IL7R: variants seen among roughly 807,000 people sequenced by gnomAD.
The protein encoded by IL7R is interleukin-7 receptor subunit alpha.
In IL7R, 38 loss-of-function variants were observed where a neutral mutation model predicts 47.0. The observed-to-expected ratio is 0.81, with a 90% CI of 0.62 to 1.06. The LOEUF (loss-of-function observed/expected upper bound fraction) is 1.06, where lower values mean the gene tolerates loss of function less well. IL7R is among the 50% of genes least tolerant of loss of function. IL7R has a pLI of 0.00. For missense variants in IL7R, 633 were observed against 534.8 expected, an observed-to-expected ratio of 1.18 and a Z score of -1.81; for synonymous variants, 221 against 199.8, an observed-to-expected ratio of 1.11 and a Z score of -0.89.
At position 35,876,591 on chromosome 5, in the gene IL7R, C is replaced by T. The variant is rs200590959; in HGVS notation, c.*105C>T. 1.7e-6 allele frequency: 2 copies of T among 1,183,708 alleles called. No individual in the cohort carries two copies. The highest frequency in any genetic ancestry group is 4.9e-5 in the East Asian group (2 of 40,640). The allele number at this position is 1,183,708 out of a possible 1,614,324, so 73.3% of individuals were successfully genotyped here. A position where few individuals can be genotyped will look rare whatever the true frequency, so the allele number is the denominator to read the frequency against. On this transcript the variant is annotated 3_prime_UTR_variant, in exon 8 of 8. Transcript: ENST00000303115. Reference sequence around the variant, plus strand: ...CACAGCACAGAGAAGACAAAATTAGCAAAACCCCACTACACAGTCTGCAAG... The same window carrying T: ...CACAGCACAGAGAAGACAAAATTAGTAAAACCCCACTACACAGTCTGCAAG...
In IL7R at chr5:35,876,724, C is replaced by A; in HGVS notation, c.*238C>A. The A allele has an allele frequency of 5.9e-6, 3 of 505,388 alleles. No homozygotes were observed. Among genetic ancestry groups the A allele is most frequent in the Admixed American group, 3.4e-5 (1 of 29,488 alleles). 31.3% of individuals were successfully genotyped at this position (505,388 alleles called of 1,614,324 possible). On this transcript the variant is annotated 3_prime_UTR_variant, in exon 8 of 8. Transcript: ENST00000303115. ...GATTTGGTCACAAGGTTTAAGGTGA[C>A]CCAATGATTCAGCTATTTAAAAAAA... is the stretch of plus-strand genomic sequence containing the variant.
intron 1 of IL7R, 71 bp from the exon 2 acceptor site, chr5:35,860,781 A>T: frequency 7.0e-7 from 1 of 1,433,978 alleles, no homozygotes; most frequent in Non-Finnish European, 9.8e-7. Flanking sequence ...CTATTTTATT[A>T]AGGTCATGCC....
Position 35,876,595 on chromosome 5 carries a change from AC to A in IL7R, c.*113del. 3 of 1,122,198 alleles carry A rather than the reference AC, an allele frequency of 2.7e-6. No homozygotes were observed. The highest frequency in any genetic ancestry group is 2.6e-6 in the Non-Finnish European group (2 of 761,926). 69.5% of individuals were successfully genotyped at this position (1,122,198 alleles called of 1,614,324 possible). A position where few individuals can be genotyped will look rare whatever the true frequency, so the allele number is the denominator to read the frequency against. ...GCACAGAGAAGACAAAATTAGCAAAACCCCACTACACAGTCTGCAAGATTCT... is the reference window on the plus strand; with the variant it reads ...GCACAGAGAAGACAAAATTAGCAAAACCCACTACACAGTCTGCAAGATTCT... On this transcript the variant is annotated 3_prime_UTR_variant, in exon 8 of 8. Coordinates refer to ENST00000303115, the MANE Select transcript of IL7R (RefSeq NM_002185.5).
Position 35,871,140 on chromosome 5 carries a change from T to C in IL7R, c.464T>C (p.Leu155Ser), listed in dbSNP as rs1258585198. The change falls in exon 4 of 8, where the codon TTG (leucine) becomes TCG (serine). Residue 155 changes from leucine to serine, a missense_variant. Coordinates refer to ENST00000303115, the MANE Select transcript of IL7R (RefSeq NM_002185.5). ...GTGGTGACATTTAATACATCACACT[T>C]GCAAAAGAAGTATGTAAAAGTTTTA... The part of the protein sequence containing the change: ...DFVVTFNTSH[L>S]QKKYVKVLMH... 1.9e-6 allele frequency: 3 copies of C among 1,612,436 alleles called. No homozygotes were observed. The highest frequency in any genetic ancestry group is 1.7e-4 in the Middle Eastern group (1 of 6,060).
chr5:35,878,550 G>A lies in IL7R; in HGVS notation c.*2064G>A. On this transcript the variant is annotated 3_prime_UTR_variant, in exon 8 of 8. Transcript: ENST00000303115. ...CATGGAGGAAAAGTAGAATCTGCCT[G>A]GTTTGTAGGCAGCAGAAGACATTTT... 1 of 232,978 alleles carries A rather than the reference G, an allele frequency of 4.3e-6. No homozygotes were observed. The highest frequency in any genetic ancestry group is 2.2e-5 in the African/African-American group (1 of 45,426). The allele number at this position is 232,978 out of a possible 1,614,324, so 14.4% of individuals were successfully genotyped here.
chr5:35,866,916 T>C (rs1253537727), intron 2 of IL7R, among the ~76,000 whole-genome samples: 1 of 152,176 alleles, frequency 6.6e-6, no homozygotes, highest in African/African-American at 2.4e-5. Context: ...ACACTTTTTT[T>C]AATCAATATT....
rs1315391428 is a variant in IL7R, at chr5:35,875,641, A to T, written c.876+54A>T. On this transcript the variant is annotated intron_variant, in intron 7 of 7. Transcript: ENST00000303115. ...TGTGTTGGCAACATCCCAGTGGCCA[A>T]GAATGATATTCCAGGACAAGGAACA... 4 of 1,264,686 alleles carry T rather than the reference A, an allele frequency of 3.2e-6. No individual in the cohort carries two copies. In the Admixed American group the frequency reaches 6.7e-5, roughly 21 times the overall value. The allele number at this position is 1,264,686 out of a possible 1,614,324, so 78.3% of individuals were successfully genotyped here. A position where few individuals can be genotyped will look rare whatever the true frequency, so the allele number is the denominator to read the frequency against.
intron 2 of IL7R, among the ~76,000 whole-genome samples, chr5:35,861,477 G>T (rs1400091436): frequency 1.3e-5 from 2 of 152,134 alleles, no homozygotes; most frequent in African/African-American, 2.4e-5. Context: ...TCACAGGAAG[G>T]CTGTGATGGT....
chr5:35,875,546 C>A lies in IL7R; in HGVS notation c.835C>A (p.His279Asn). ...KPIVWPSLPDHKKTLEHLCKK... is the reference protein window; with the variant it reads ...KPIVWPSLPDNKKTLEHLCKK... ...TATCGTATGGCCCAGTCTCCCCGAT[C>A]ATAAGAAGACTCTGGAACATCTTTG... The change falls in exon 7 of 8, where the codon CAT becomes AAT. Residue 279 changes from histidine (H) to asparagine (N), a missense_variant. Physicochemically the swap from His to Asn is moderately conservative, Grantham distance 68. Transcript: ENST00000303115. The A allele has an allele frequency of 6.2e-7, 1 of 1,613,512 alleles. No individual in the cohort carries two copies. Among genetic ancestry groups the A allele is most frequent in the South Asian group, 1.1e-5 (1 of 91,056 alleles).
rs764922920 is a variant in IL7R, at chr5:35,876,282, G to A, written c.1176G>A (p.Glu392=). 6.2e-6 allele frequency: 10 copies of A among 1,613,980 alleles called. No individual in the cohort carries two copies. The South Asian group carries it at 9.9e-5, about 16-fold the overall frequency. Residue 392 remains glutamate, a synonymous_variant, in exon 8 of 8, where the codon GAG becomes GAA. Transcript: ENST00000303115. ...CTTCCAGGTCCCTAGACTGCAGGGA[G>A]AGTGGCAAGAATGGGCCTCATGTGT... ...LSSSRSLDCR[E]SGKNGPHVYQ...
At position 35,873,541 on chromosome 5, in the gene IL7R, T is replaced by G; in HGVS notation, c.599T>G (p.Met200Arg). Reference protein sequence around the residue: ...LLQRKLQPAAMYEIKVRSIPD... With the variant: ...LLQRKLQPAARYEIKVRSIPD... ...CAGAGAAAGCTCCAACCGGCAGCAA[T>G]GTATGAGATTAAAGTTCGATCCATC... is the stretch of plus-strand genomic sequence containing the variant. The change falls in exon 5 of 8, where the codon ATG becomes AGG. Residue 200 changes from methionine (M) to arginine (R), a missense_variant. Met to Arg is a moderately conservative substitution (Grantham distance 91). Coordinates refer to ENST00000303115, the MANE Select transcript of IL7R (RefSeq NM_002185.5). The G allele has an allele frequency of 1.9e-6, 3 of 1,614,030 alleles. No homozygotes were observed. Among genetic ancestry groups the G allele is most frequent in the Non-Finnish European group, 2.5e-6 (3 of 1,179,934 alleles).
intron 3 of IL7R, among the ~76,000 whole-genome samples, chr5:35,867,955 A>G (rs1759980076): frequency 6.6e-6 from 1 of 152,182 alleles, no homozygotes; most frequent in African/African-American, 2.4e-5. Context: ...TAGATAGATC[A>G]TTGATAGGAG....
Position 35,873,466 on chromosome 5 carries a change from A to G in IL7R, c.538-14A>G. ...TTTCCCATCCTAAGAATGTAACTGC[A>G]CTCTACTCTCTAGCATGTGAATTTA... is the stretch of plus-strand genomic sequence containing the variant. On this transcript the variant is annotated splice_polypyrimidine_tract_variant and intron_variant, in intron 4 of 7. Coordinates refer to ENST00000303115, the MANE Select transcript of IL7R (RefSeq NM_002185.5). 1.2e-6 allele frequency: 2 copies of G among 1,611,722 alleles called. No individual in the cohort carries two copies. The highest frequency in any genetic ancestry group is 1.1e-5 in the South Asian group (1 of 91,042).
Position 35,874,490 on chromosome 5 carries a change from T to A in IL7R, c.748T>A (p.Phe250Ile), listed in dbSNP as rs1000207637. 9.3e-6 allele frequency: 15 copies of A among 1,613,620 alleles called. No individual in the cohort carries two copies. The highest frequency in any genetic ancestry group is 1.2e-5 in the Non-Finnish European group (14 of 1,179,668). The stretch of plus-strand genomic sequence containing the variant: ...CTTACTAACCATCAGCATTTTGAGT[T>A]TTTTCTCTGTCGCTCTGTTGGTCAT... ...PILLTISILSFFSVALLVILA... is the reference protein window; with the variant it reads ...PILLTISILSIFSVALLVILA... The change falls in exon 6 of 8, where the codon TTT becomes ATT. Residue 250 changes from phenylalanine (F) to isoleucine (I), a missense_variant. Phe to Ile is a conservative substitution (Grantham distance 21). Coordinates refer to ENST00000303115, the MANE Select transcript of IL7R (RefSeq NM_002185.5).
At chr5:35,870,440 C>T (rs11567745) in intron 3 of IL7R, among the ~76,000 whole-genome samples, 2,949 of 152,248 alleles carry the variant, frequency 0.019, 89 homozygotes, top group African/African-American at 0.064. Context: ...GTAGCTGAGA[C>T]GAGGTGCAAG....
chr5:35,875,676 C>T (rs1308990484), intron 7 of IL7R, 89 bp downstream of exon 7: 1 of 1,032,108 alleles, frequency 9.7e-7, no homozygotes, highest in Non-Finnish European at 1.5e-6. Context: ...AGTTGAACCT[C>T]ACCTTTTGGT....
chr5:35,872,010 A>C (rs2149902384), intron 4 of IL7R, among the ~76,000 whole-genome samples: 1 of 152,246 alleles, frequency 6.6e-6, no homozygotes, highest in South Asian at 2.1e-4. Flanking sequence ...ACTTGCATAA[A>C]TGTAACAACT....
rs753614229 is a variant in IL7R at position 35,876,128 on chromosome 5, G to A, written c.1022G>A (p.Gly341Glu). 52 of 1,614,064 alleles carry A rather than the reference G, an allele frequency of 3.2e-5. No individual in the cohort carries two copies. In the African/African-American group the frequency reaches 3.3e-4, roughly 10 times the overall value. Residue 341 changes from glycine to glutamate, a missense_variant, in exon 8 of 8, where the codon GGA becomes GAA. Coordinates refer to ENST00000303115, the MANE Select transcript of IL7R (RefSeq NM_002185.5). The stretch of plus-strand genomic sequence containing the variant: ...GAAGAATCTGAGAAGCAGAGGCTTG[G>A]AGGGGATGTGCAGAGCCCCAACTGC... Reference protein sequence around the residue: ...QLEESEKQRLGGDVQSPNCPS... With the variant: ...QLEESEKQRLEGDVQSPNCPS...
At chr5:35,867,537 G>A (rs572882777) in intron 3 of IL7R, 74 bp downstream of exon 3, 1 of 1,209,318 alleles carries the variant, frequency 8.3e-7, no homozygotes, top group Non-Finnish European at 1.2e-6. Flanking sequence ...ACATTCTGTA[G>A]GTTAAAAGTA....
Sources: allele counts gnomAD v4.1 joint callset (sites outside exome capture counted in the v4.1 genomes callset), GRCh38; gene constraint gnomAD v4.1.1; transcripts MANE v1.5; gene names NCBI Gene and HGNC (gene_info 2026-07-23, HGNC 2026-07-21).